Variants in PDZD2 observed in about 807,000 individuals in gnomAD.
PDZD2 encodes PDZ domain containing 2, also known as PDZ domain-containing protein 2.
Under a neutral mutation model 220.7 loss-of-function variants are expected in PDZD2, and 90 were observed. The observed-to-expected ratio is 0.41, with a 90% CI of 0.34 to 0.49. PDZD2 has a LOEUF of 0.49. PDZD2 is among the 20% of genes least tolerant of loss of function. The probability of loss-of-function intolerance (pLI) is 0.28; values close to 1 mark genes in which losing one functional copy is unlikely to be tolerated. For synonymous variants in PDZD2, 1,375 were observed against 1,450.5 expected (o/e 0.95, Z 1.18); for missense variants, 3,174 against 3,608.5 (o/e 0.88, Z 3.08).
At chr5:31,853,784 G>T (rs1457798327) in intron 2 of PDZD2, among the ~76,000 whole-genome samples, 1 of 152,198 alleles carries the variant, frequency 6.6e-6, no homozygotes, top group Non-Finnish European at 1.5e-5. Flanking sequence ...TGGGACTGGG[G>T]TGTGACTTAA....
chr5:31,740,221 A>C (rs961300414), intron 1 of PDZD2, among the ~76,000 whole-genome samples: 6 of 152,006 alleles, frequency 3.9e-5, no homozygotes, highest in Admixed American at 1.3e-4. Flanking sequence ...TAAAATTTCC[A>C]TTGAAAATTC....
At chr5:31,876,275 T>A (rs1739292509) in intron 2 of PDZD2, among the ~76,000 whole-genome samples, 1 of 148,396 alleles carries the variant, frequency 6.7e-6, no homozygotes, top group African/African-American at 2.5e-5. Flanking sequence ...ATGCGCTTGA[T>A]TTTTGAATTT....
rs1248394987 is a variant in PDZD2, at chr5:32,088,908, G to C, written c.5460G>C (p.Lys1820Asn). The change falls in exon 20 of 25, where the codon AAG (lysine) becomes AAC (asparagine). Residue 1820 changes from lysine to asparagine, a missense_variant. Coordinates refer to ENST00000438447, the MANE Select transcript of PDZD2 (RefSeq NM_178140.4). This position sits in a 1 kb window ranked among gnomAD's most constrained non-coding sequence, Gnocchi z 4.6. ...CACATTTGAGGAGCAAAACCGAGAA[G>C]GAACAACCTCTAATGCCTGCCAGAA... The part of the protein sequence containing the change: ...QGTHLRSKTE[K>N]EQPLMPARSP... 2 of 1,613,716 alleles carry C rather than the reference G, an allele frequency of 1.2e-6. No homozygotes were observed. Among genetic ancestry groups the C allele is most frequent in the African/African-American group, 2.7e-5 (2 of 74,854 alleles).
At chr5:31,968,189 C>T (rs534895926) in intron 2 of PDZD2, among the ~76,000 whole-genome samples, 3 of 152,280 alleles carry the variant, frequency 2.0e-5, no homozygotes, top group Non-Finnish European at 2.9e-5. Flanking sequence ...GAAACCCCAT[C>T]TCTACTAAAA....
intron 1 of PDZD2, among the ~76,000 whole-genome samples, chr5:31,680,889 C>T (rs1746624406): frequency 1.3e-5 from 2 of 152,170 alleles, no homozygotes; most frequent in Non-Finnish European, 1.5e-5. Context: ...CCCACAGCAA[C>T]GGCCGCAGAT....
chr5:32,010,003 C>T (rs1343281143), intron 5 of PDZD2, among the ~76,000 whole-genome samples: 1 of 149,518 alleles, frequency 6.7e-6, no homozygotes, highest in African/African-American at 2.5e-5. Flanking sequence ...AGGAGAATCA[C>T]TTGAACCCGG....
chr5:31,647,213 C>T (rs1279630996), intron 1 of PDZD2, among the ~76,000 whole-genome samples: 1 of 152,148 alleles, frequency 6.6e-6, no homozygotes, highest in Non-Finnish European at 1.5e-5. Context: ...AGTACAATGC[C>T]TAGTACATGG....
intron 1 of PDZD2, among the ~76,000 whole-genome samples, chr5:31,709,653 C>G (rs1456230891): frequency 6.6e-6 from 1 of 152,146 alleles, no homozygotes. Context: ...AGTATCTTTT[C>G]CAAGGCCATT....
intron 2 of PDZD2, among the ~76,000 whole-genome samples, chr5:31,864,175 G>T (rs1221280925): frequency 6.6e-6 from 1 of 152,258 alleles, no homozygotes; most frequent in Middle Eastern, 3.4e-3. Context: ...GGCTTCTGAC[G>T]ATGGCTGATT....
chr5:31,817,421 A>C (rs997635589), intron 2 of PDZD2, among the ~76,000 whole-genome samples: 3 of 151,540 alleles, frequency 2.0e-5, no homozygotes, highest in Non-Finnish European at 2.9e-5. Flanking sequence ...TTGAATCCAG[A>C]GGCAGAGGCT....
intron 7 of PDZD2, among the ~76,000 whole-genome samples, chr5:32,043,703 C>T (rs1417328670): frequency 6.6e-6 from 1 of 152,186 alleles, no homozygotes; most frequent in Non-Finnish European, 1.5e-5. Context: ...TCTCAGCTCA[C>T]CACAACCTCC....
At chr5:31,975,025 TAC>T (rs1749622208) in intron 2 of PDZD2, among the ~76,000 whole-genome samples, 2 of 152,262 alleles carry the variant, frequency 1.3e-5, no homozygotes, top group Non-Finnish European at 2.9e-5. Flanking sequence ...AATAAATATT[TAC>T]CCTAATTATT....
chr5:32,011,453 C>T (rs957795375), intron 6 of PDZD2, among the ~76,000 whole-genome samples: 1 of 152,104 alleles, frequency 6.6e-6, no homozygotes, highest in Non-Finnish European at 1.5e-5. Context: ...GAGCTGTGAT[C>T]ATGCCACTGC....
chr5:32,065,377 A>G (rs933618741), intron 14 of PDZD2, among the ~76,000 whole-genome samples: 2 of 152,150 alleles, frequency 1.3e-5, no homozygotes, highest in African/African-American at 4.8e-5. Flanking sequence ...GTGTTGCTTA[A>G]TTACATCCTA....
intron 3 of PDZD2, among the ~76,000 whole-genome samples, chr5:31,984,567 C>T (rs948936298): frequency 2.6e-5 from 4 of 152,134 alleles, no homozygotes; most frequent in African/African-American, 9.7e-5. Context: ...TGAGGCCAGG[C>T]GCGGCAGCTT....
intron 1 of PDZD2, among the ~76,000 whole-genome samples, chr5:31,704,719 C>A (rs1278489147): frequency 6.6e-6 from 1 of 152,134 alleles, no homozygotes; most frequent in East Asian, 1.9e-4. Flanking sequence ...ATCAAATTCC[C>A]TTTTACATGC....
At chr5:31,800,374 C>G (rs75892809) in intron 2 of PDZD2, among the ~76,000 whole-genome samples, 1,629 of 152,250 alleles carry the variant, frequency 0.011, 22 homozygotes, top group African/African-American at 0.035. Context: ...TGTTTGACGC[C>G]AACCAGGGAC....
At chr5:32,048,244 A>T (rs1738168138) in intron 7 of PDZD2, among the ~76,000 whole-genome samples, 2 of 152,230 alleles carry the variant, frequency 1.3e-5, no homozygotes. Context: ...CTATTCCCTT[A>T]TCCACCAGAG....
intron 2 of PDZD2, among the ~76,000 whole-genome samples, chr5:31,899,557 G>A (rs564113505): frequency 6.6e-6 from 1 of 152,348 alleles, no homozygotes; most frequent in African/African-American, 2.4e-5. Flanking sequence ...CTTCAAGGAT[G>A]TGGTGTCCCA....
Sources: gnomAD v4.1 joint callset for allele counts (sites outside exome capture counted in the v4.1 genomes callset) on GRCh38, gnomAD v4.1.1 for gene constraint, Gnocchi (gnomAD v3.1) non-coding constraint, MANE v1.5 for transcripts, NCBI Gene and HGNC (gene_info 2026-07-23, HGNC 2026-07-21) for gene names.